Variants in TTLL1 observed in about 807,000 individuals in gnomAD.
The protein encoded by TTLL1 is polyglutamylase complex subunit TTLL1.
TTLL1 carries 33 observed loss-of-function variants against 47.8 expected under a neutral mutation model. The observed-to-expected ratio is 0.69, with a 90% CI of 0.52 to 0.92. The LOEUF (loss-of-function observed/expected upper bound fraction) is 0.92, where lower values mean the gene tolerates loss of function less well. TTLL1 is among the 40% of genes least tolerant of loss of function. The probability of loss-of-function intolerance (pLI) is 0.00; values close to 1 mark genes in which losing one functional copy is unlikely to be tolerated. For missense variants in TTLL1, 488 were observed against 547.5 expected (o/e 0.89, Z 1.08); for synonymous variants, 225 against 214.1 (o/e 1.05, Z -0.45).
intron 10 of TTLL1, among the ~76,000 whole-genome samples, chr22:43,042,131 G>T (rs1925733489): frequency 6.6e-6 from 1 of 152,174 alleles, no homozygotes. Flanking sequence ...CTGGCCAGGG[G>T]GCTGCAGTGA....
chr22:43,082,182 C>T (rs564986503), intron 1 of TTLL1, among the ~76,000 whole-genome samples: 1 of 149,844 alleles, frequency 6.7e-6, no homozygotes, highest in South Asian at 2.1e-4. Flanking sequence ...TTAAACAACA[C>T]AGATAATTGA....
In TTLL1 at chr22:43,063,810, C is replaced by G; in HGVS notation, c.747+3G>C. The G allele has an allele frequency of 6.2e-7, 1 of 1,613,354 alleles. No homozygotes were observed. The highest frequency in any genetic ancestry group is 8.5e-7 in the Non-Finnish European group (1 of 1,179,300). On this transcript the variant is annotated splice_donor_region_variant and intron_variant, in intron 7 of 10. Coordinates refer to ENST00000266254, the MANE Select transcript of TTLL1 (RefSeq NM_012263.5). The stretch of plus-strand genomic sequence containing the variant: ...GTAAGCACAAATGAAAGGACACACT[C>G]ACCCCGTGTTTCTGGATGGCGACGT...
chr22:43,074,724 A>G (rs143067213), intron 3 of TTLL1, among the ~76,000 whole-genome samples: 1 of 152,094 alleles, frequency 6.6e-6, no homozygotes, highest in Non-Finnish European at 1.5e-5. Context: ...CCAAAAAAGA[A>G]AAAAAGAATA....
intron 5 of TTLL1, among the ~76,000 whole-genome samples, 172 bp from the exon 6 acceptor site, chr22:43,064,496 G>A (rs1366518504): frequency 2.0e-5 from 3 of 152,008 alleles, no homozygotes; most frequent in Admixed American, 6.6e-5. Context: ...GAGGCGAGGC[G>A]GGTGGATCAC....
At position 43,069,792 on chromosome 22, in the gene TTLL1, G is replaced by A; in HGVS notation, c.166C>T (p.Leu56Phe). 6.2e-7 allele frequency: 1 copy of A among 1,614,202 alleles called. No individual in the cohort carries two copies. The highest frequency in any genetic ancestry group is 2.2e-5 in the East Asian group (1 of 44,888). Reference protein sequence around the residue: ...NVFSVEAGYRLSDDQIVNHFP... With the variant: ...NVFSVEAGYRFSDDQIVNHFP... ...TGGTTGACTATTTGGTCATCTGAGA[G>A]CCGATATCCAGCTTCAACGCTGAAC... Residue 56 changes from leucine (L) to phenylalanine (F), a missense_variant, in exon 4 of 11, where the codon CTC becomes TTC. Transcript: ENST00000266254.
At chr22:43,040,095 T>A (rs1925546762) in intron 10 of TTLL1, 190 bp from the exon 11 acceptor site, 1 of 653,978 alleles carries the variant, frequency 1.5e-6, no homozygotes, top group Non-Finnish European at 2.5e-6. Flanking sequence ...CAGGTGGCTC[T>A]CGCAGCCCAG....
At chr22:43,072,408 C>G (rs1416774081) in intron 3 of TTLL1, among the ~76,000 whole-genome samples, 1 of 152,104 alleles carries the variant, frequency 6.6e-6, no homozygotes, top group Non-Finnish European at 1.5e-5. Flanking sequence ...CCCATCTCGG[C>G]CTCCCAAAGT....
chr22:43,052,192 C>A, intron 8 of TTLL1: 1 of 393,026 alleles, frequency 2.5e-6, no homozygotes. Flanking sequence ...TCAGAGTGAA[C>A]GGATGTCCAG....
chr22:43,072,829 T>A (rs1475646108), intron 3 of TTLL1, among the ~76,000 whole-genome samples: 1 of 151,790 alleles, frequency 6.6e-6, no homozygotes, highest in African/African-American at 2.4e-5. Context: ...CCCAGGCTGG[T>A]CTCAAACTCC....
intron 1 of TTLL1, among the ~76,000 whole-genome samples, chr22:43,081,302 C>T (rs1039721851): frequency 1.8e-4 from 28 of 152,172 alleles, no homozygotes; most frequent in Admixed American, 1.4e-3. Flanking sequence ...CCAGCACAAG[C>T]CCAGGCACAG....
chr22:43,063,001 C>T (rs1447076947), intron 7 of TTLL1, among the ~76,000 whole-genome samples: 8 of 152,104 alleles, frequency 5.3e-5, no homozygotes, highest in Admixed American at 1.3e-4. Context: ...GACTACTGTA[C>T]TCAAAGTAAA....
At position 43,077,097 on chromosome 22, in the gene TTLL1, C is replaced by T. The variant is rs1049427712; in HGVS notation, c.-4-1507G>A. Among the ~76,000 whole-genome samples, 13 of 151,572 alleles carry T rather than the reference C, an allele frequency of 8.6e-5. 1 individual carries two copies. Among genetic ancestry groups the T allele is most frequent in the Middle Eastern group, 3.4e-3 (1 of 294 alleles). On this transcript the variant is annotated intron_variant, in intron 2 of 10. Coordinates refer to ENST00000266254, the MANE Select transcript of TTLL1 (RefSeq NM_012263.5). ...GCCTGGGTGACAGAGTGAGACTCCA[C>T]CTCAAAAAAAAAAAATTGTTTATCT...
At chr22:43,069,176 A>C (rs1927939371) in intron 4 of TTLL1, among the ~76,000 whole-genome samples, 1 of 147,736 alleles carries the variant, frequency 6.8e-6, no homozygotes, top group Admixed American at 7.0e-5. Context: ...GGAGTTCGAG[A>C]CCAGCCTGGC....
intron 9 of TTLL1, 150 bp downstream of exon 9, chr22:43,051,651 A>G (rs981331533): frequency 4.0e-6 from 3 of 758,156 alleles, no homozygotes; most frequent in East Asian, 2.5e-5. Flanking sequence ...TACCTTAACC[A>G]TCAGCAAACA....
At chr22:43,088,780 C>A (rs1929419863) in intron 1 of TTLL1, among the ~76,000 whole-genome samples, 2 of 152,170 alleles carry the variant, frequency 1.3e-5, no homozygotes, top group Admixed American at 6.6e-5. Flanking sequence ...TTAATCTCCT[C>A]TAATGCCCCA....
In TTLL1 at chr22:43,047,894, G is replaced by T. The variant is rs531493873; in HGVS notation, c.979-1321C>A. Among the ~76,000 whole-genome samples the T allele has an allele frequency of 2.6e-5, 4 of 152,204 alleles. No individual in the cohort carries two copies. The South Asian group carries it at 8.3e-4, about 32-fold the overall frequency. On this transcript the variant is annotated intron_variant, in intron 9 of 10. Transcript: ENST00000266254. Reference sequence around the variant, plus strand: ...TACATTTCTCCCAGTCAGACTGCCTGTCTGTGCTGCTAGCAGTGTATCGAA... The same window carrying T: ...TACATTTCTCCCAGTCAGACTGCCTTTCTGTGCTGCTAGCAGTGTATCGAA...
Position 43,051,904 on chromosome 22 carries a change from C to G in TTLL1, c.892-17G>C, listed in dbSNP as rs2146965692. The G allele has an allele frequency of 6.2e-7, 1 of 1,612,504 alleles. No homozygotes were observed. Among genetic ancestry groups the G allele is most frequent in the Admixed American group, 1.7e-5 (1 of 59,980 alleles). On this transcript the variant is annotated splice_polypyrimidine_tract_variant and intron_variant, in intron 8 of 10. Transcript: ENST00000266254. ...CATCACCGGCTGGAGAGAGAGTGAC[C>G]AGTGGGTGACATGGCCAGCATCGAA...
chr22:43,058,690 T>C (rs1927187123), intron 8 of TTLL1, among the ~76,000 whole-genome samples: 1 of 148,704 alleles, frequency 6.7e-6, no homozygotes, highest in Admixed American at 6.8e-5. Flanking sequence ...ACAGGTTTTT[T>C]TTTGTTTTTT....
chr22:43,075,052 G>T (rs966224982), intron 3 of TTLL1, among the ~76,000 whole-genome samples: 1 of 152,008 alleles, frequency 6.6e-6, no homozygotes. Flanking sequence ...GTAATCCCAG[G>T]TACTTGGGAG....
Sources: gnomAD v4.1 joint callset for allele counts (sites outside exome capture counted in the v4.1 genomes callset) on GRCh38, gnomAD v4.1.1 for gene constraint, MANE v1.5 for transcripts, NCBI Gene and HGNC (gene_info 2026-07-23, HGNC 2026-07-21) for gene names.